Variants in PLEC observed in about 807,000 individuals in gnomAD.
PLEC encodes plectin, also known as hemidesmosomal protein 1.
In PLEC, 216 loss-of-function variants were observed where a neutral mutation model predicts 392.8. The observed-to-expected ratio is 0.55, with a 90% CI of 0.49 to 0.62. The LOEUF is 0.62. Ranked by LOEUF, PLEC falls within the 20% of genes least tolerant of loss-of-function variation. PLEC has a pLI of 0.00. For synonymous variants in PLEC, 3,621 were observed against 2,980.6 expected (o/e 1.21, Z -7.00); for missense variants, 6,863 against 6,563.4 (o/e 1.05, Z -1.58).
At chr8:143,973,584 C>T, upstream of PLEC, 1 of 982,850 alleles carries the variant, frequency 1.0e-6, no homozygotes, top group Non-Finnish European at 1.2e-6. The surrounding 1 kb of genome is among the most constrained non-coding windows in gnomAD (Gnocchi z 5.6). Flanking sequence ...CGCCCCCGCC[C>T]CGCCCCCGCA....
chr8:143,952,222 GCACGCGCA>G (rs1564213840), upstream of PLEC, among the ~76,000 whole-genome samples: 10 of 120,796 alleles, frequency 8.3e-5, no homozygotes, highest in Admixed American at 8.1e-5. Context: ...GCGCACACAC[GCACGCGCA>G]CGCGCACGCC....
At position 143,929,941 on chromosome 8, in the gene PLEC, C is replaced by T. The variant is rs1006677554; in HGVS notation, c.2734G>A (p.Ala912Thr). 1.9e-6 allele frequency: 3 copies of T among 1,610,120 alleles called. No homozygotes were observed. Among genetic ancestry groups the T allele is most frequent in the Non-Finnish European group, 2.5e-6 (3 of 1,179,446 alleles). Residue 912 changes from alanine (A) to threonine (T), a missense_variant, in exon 22 of 32, where the codon GCC becomes ACC. Ala to Thr is a moderately conservative substitution (Grantham distance 58, BLOSUM62 0). Coordinates refer to ENST00000345136, the MANE Select transcript of PLEC (RefSeq NM_201384.3). Reference sequence around the variant, plus strand: ...CGGCTCGGGGGCAGGCGTACCGTGGCCAGGGACCAGGAGCGGATGAGCTGC... The same window carrying T: ...CGGCTCGGGGGCAGGCGTACCGTGGTCAGGGACCAGGAGCGGATGAGCTGC... ...DVQLIRSWSLATFRTLKPEEQ... is the reference protein window; with the variant it reads ...DVQLIRSWSLTTFRTLKPEEQ...
chr8:143,973,496 T>G lies in PLEC; in HGVS notation c.-24A>C, dbSNP rs1178142878. 2 of 1,486,342 alleles carry G rather than the reference T, an allele frequency of 1.3e-6. No homozygotes were observed. Among genetic ancestry groups the G allele is most frequent in the Admixed American group, 2.2e-5 (1 of 45,270 alleles). 92.1% of individuals were successfully genotyped at this position (1,486,342 alleles called of 1,614,324 possible). ...ATGCCGGCGGGCGCGGGGCGCGGGG[T>G]GCAGCGGAGCCTCCAGCACCCGGCG... On this transcript the variant is annotated 5_prime_UTR_variant, in exon 1 of 32. Coordinates refer to the PLEC transcript ENST00000356346. The surrounding 1 kb of genome is among the most constrained non-coding windows in gnomAD (Gnocchi z 5.6).
chr8:143,941,796 C>T (rs951917128), upstream of PLEC, among the ~76,000 whole-genome samples: 39 of 151,938 alleles, frequency 2.6e-4, no homozygotes, highest in Non-Finnish European at 3.8e-4. Context: ...CCACCTGGGA[C>T]GCACCCAGAA....
upstream of PLEC, among the ~76,000 whole-genome samples, chr8:143,953,455 C>A (rs1158065700): frequency 6.0e-5 from 9 of 150,416 alleles, no homozygotes; most frequent in African/African-American, 2.2e-4. Context: ...CGCCCCGCCG[C>A]CGCCGCCGCC....
exon 1 of PLEC, chr8:143,950,487 G>A (rs1443456259): frequency 6.2e-7 from 1 of 1,608,330 alleles, no homozygotes; most frequent in Non-Finnish European, 8.5e-7. Context: ...TCATTGGTGA[G>A]GTACCAGTAA....
chr8:143,916,754 A>G lies in PLEC; in HGVS notation c.13067T>C (p.Phe4356Ser). 2 of 1,613,228 alleles carry G rather than the reference A, an allele frequency of 1.2e-6. No homozygotes were observed. The highest frequency in any genetic ancestry group is 1.7e-6 in the Non-Finnish European group (2 of 1,179,964). Reference sequence around the variant, plus strand: ...GGTGCGTGGGTCCTCGAAGCCGCAGAAGGCCTTCTGGGCCAGGTTGATGCG... The same window carrying G: ...GGTGCGTGGGTCCTCGAAGCCGCAGGAGGCCTTCTGGGCCAGGTTGATGCG... ...VDRINLAQKA[F>S]CGFEDPRTKT... The change falls in exon 32 of 32, where the codon TTC becomes TCC. Residue 4356 changes from phenylalanine (F) to serine (S), a missense_variant. Transcript: ENST00000345136.
In PLEC at chr8:143,924,855, G is replaced by C; in HGVS notation, c.5074C>G (p.Gln1692Glu). 1.3e-6 allele frequency: 2 copies of C among 1,586,944 alleles called. No homozygotes were observed. Among genetic ancestry groups the C allele is most frequent in the Non-Finnish European group, 8.5e-7 (1 of 1,174,322 alleles). Residue 1692 changes from glutamine (Q) to glutamate (E), a missense_variant, in exon 31 of 32, where the codon CAA (glutamine) becomes GAA (glutamate). Transcript: ENST00000345136. ...QAVRQRELAEQELEKQRQLAE... is the reference protein window; with the variant it reads ...QAVRQRELAEEELEKQRQLAE... ...AGCTGCCGCTGCTTCTCCAGCTCTTGTTCAGCCAGCTCCCGCTGCCGGACG... is the reference window on the plus strand; with the variant it reads ...AGCTGCCGCTGCTTCTCCAGCTCTTCTTCAGCCAGCTCCCGCTGCCGGACG...
chr8:143,934,175 G>A (rs1398889800), intron 11 of PLEC, 84 bp from the exon 12 acceptor site: 11 of 1,583,682 alleles, frequency 6.9e-6, no homozygotes, highest in Admixed American at 5.1e-5. Context: ...CTCCCGCTCC[G>A]GTCTCCCTGG....
At chr8:143,970,611 T>G (rs909458921) in intron 1 of PLEC, among the ~76,000 whole-genome samples, 7 of 152,198 alleles carry the variant, frequency 4.6e-5, no homozygotes, top group Non-Finnish European at 1.0e-4. Context: ...TTCAGTAGAT[T>G]CGGAGTTGTG....
At chr8:143,934,179 T>C in intron 11 of PLEC, 88 bp from the exon 12 acceptor site, 2 of 1,586,006 alleles carry the variant, frequency 1.3e-6, no homozygotes, top group Non-Finnish European at 1.7e-6. Flanking sequence ...CGCTCCGGTC[T>C]CCCTGGCTGT....
At chr8:143,957,424 T>C (rs1465115296), upstream of PLEC, among the ~76,000 whole-genome samples, 1 of 152,210 alleles carries the variant, frequency 6.6e-6, no homozygotes, top group African/African-American at 2.4e-5. Flanking sequence ...TCTGCTTTGC[T>C]GGTCGAACCC....
Position 143,918,338 on chromosome 8 carries a change from T to C in PLEC, c.11483A>G (p.Tyr3828Cys), listed in dbSNP as rs1554674888. Residue 3828 changes from tyrosine (Y) to cysteine (C), a missense_variant, in exon 32 of 32, where the codon TAC (tyrosine) becomes TGC (cysteine). By Grantham distance (194) the Tyr-to-Cys change is radical. Transcript: ENST00000345136. ...LPLEVAYQRG[Y>C]LNKDTHDQLS... ...CTGGTCGTGCGTGTCCTTGTTGAGG[T>C]AGCCACGCTGGTAAGCCACCTCCAG... is the stretch of plus-strand genomic sequence containing the variant. 3.2e-6 allele frequency: 5 copies of C among 1,582,700 alleles called. No homozygotes were observed. Among genetic ancestry groups the C allele is most frequent in the Admixed American group, 1.7e-5 (1 of 57,160 alleles).
chr8:143,956,522 T>G (rs578018017), upstream of PLEC, among the ~76,000 whole-genome samples: 39 of 152,372 alleles, frequency 2.6e-4, 2 homozygotes, highest in South Asian at 7.9e-3. Context: ...GAGCCGTGAT[T>G]GCGCCACTGC....
upstream of PLEC, chr8:143,943,784 T>C: frequency 2.5e-6 from 4 of 1,611,532 alleles, no homozygotes; most frequent in Non-Finnish European, 3.4e-6. Context: ...CTTACCTTGC[T>C]CGTCCTGCGC....
upstream of PLEC, among the ~76,000 whole-genome samples, chr8:143,954,959 G>C (rs1311655390): frequency 6.6e-6 from 1 of 152,166 alleles, no homozygotes; most frequent in Non-Finnish European, 1.5e-5. The surrounding 1 kb of genome is among the most constrained non-coding windows in gnomAD (Gnocchi z 4.6). Context: ...TGGCATGGAG[G>C]ACGTGACCAT....
rs377661262 is a variant in PLEC at position 143,934,456 on chromosome 8, G to A, written c.1042-11C>T. 31 of 1,610,616 alleles carry A rather than the reference G, an allele frequency of 1.9e-5. No homozygotes were observed. Among genetic ancestry groups the A allele is most frequent in the African/African-American group, 1.9e-4 (14 of 75,054 alleles). On this transcript the variant is annotated splice_polypyrimidine_tract_variant and intron_variant, in intron 10 of 31. Transcript: ENST00000345136. The stretch of plus-strand genomic sequence containing the variant: ...TGCTTGCACCGCTCCCTGTAGACAG[G>A]GGCCACACTCAGGCCCTATAGGCAG...
Position 143,927,042 on chromosome 8 carries a change from C to G in PLEC, c.3880G>C (p.Glu1294Gln). The change falls in exon 29 of 32, where the codon GAG becomes CAG. Residue 1294 changes from glutamate (E) to glutamine (Q), a missense_variant. Coordinates refer to ENST00000345136, the MANE Select transcript of PLEC (RefSeq NM_201384.3). ...LQLVTYKAQLEPVASPAKKPK... is the reference protein window; with the variant it reads ...LQLVTYKAQLQPVASPAKKPK... ...TTCTTGGCCGGGGAGGCCACCGGCTCAAGCTGCGCCTTGTACGTCACCAGC... is the reference window on the plus strand; with the variant it reads ...TTCTTGGCCGGGGAGGCCACCGGCTGAAGCTGCGCCTTGTACGTCACCAGC... 1 of 1,612,428 alleles carries G rather than the reference C, an allele frequency of 6.2e-7. No homozygotes were observed. Among genetic ancestry groups the G allele is most frequent in the Non-Finnish European group, 8.5e-7 (1 of 1,180,010 alleles).
rs782741041 is a variant in PLEC, at chr8:143,930,366, C to T, written c.2457+18G>A. On this transcript the variant is annotated intron_variant, in intron 20 of 31. Transcript: ENST00000345136. ...CTGCCTGGCCACGCCCCCCAGTGGA[C>T]CCCCGGCCTGCGCTCACCTCCACCT... is the stretch of plus-strand genomic sequence containing the variant. The T allele has an allele frequency of 7.0e-6, 11 of 1,575,910 alleles. No individual in the cohort carries two copies. The Admixed American group carries it at 9.0e-5, about 13-fold the overall frequency.
Sources: allele counts gnomAD v4.1 joint callset (sites outside exome capture counted in the v4.1 genomes callset), GRCh38; gene constraint gnomAD v4.1.1; non-coding constraint Gnocchi (gnomAD v3.1); transcripts MANE v1.5; gene names NCBI Gene and HGNC (gene_info 2026-07-23, HGNC 2026-07-21).